Variants in DAAM1 observed in about 807,000 individuals in gnomAD.
The protein encoded by DAAM1 is dishevelled associated activator of morphogenesis 1, also known as disheveled-associated activator of morphogenesis 1.
In DAAM1, 52 loss-of-function variants were observed where a neutral mutation model predicts 130.0. That is an observed-to-expected ratio of 0.40 (90% CI 0.32 to 0.50). DAAM1 has a LOEUF of 0.50. DAAM1 is among the 20% of genes least tolerant of loss of function. The pLI is 0.61. For missense variants in DAAM1, 1,134 were observed against 1,303.8 expected, an observed-to-expected ratio of 0.87 and a Z score of 2.01; for synonymous variants, 452 against 444.5, an observed-to-expected ratio of 1.02 and a Z score of -0.21.
Position 59,255,288 on chromosome 14 carries a change from C to T in DAAM1, c.-37-8153C>T, listed in dbSNP as rs146333555. On this transcript the variant is annotated intron_variant, in intron 1 of 24. Coordinates refer to ENST00000360909, the MANE Select transcript of DAAM1 (RefSeq NM_001270520.2). ...TCCACTGAACACACTGACTGAGAAA[C>T]GCCCTTTCCGTTTCCTGATGGAGAG... Among the ~76,000 whole-genome samples the T allele has an allele frequency of 2.4e-3, 368 of 152,246 alleles. 1 individual carries two copies. The highest frequency in any genetic ancestry group is 8.3e-3 in the African/African-American group (343 of 41,538).
intron 21 of DAAM1, among the ~76,000 whole-genome samples, chr14:59,360,208 T>C (rs951461666): frequency 1.3e-5 from 2 of 152,218 alleles, no homozygotes; most frequent in Non-Finnish European, 2.9e-5. Context: ...CAATCTCTAA[T>C]GTTTAAAAGC....
rs1594766017 is a variant in DAAM1 at position 59,223,970 on chromosome 14, T to C, written c.-38+35202T>C. ...AGTCAGCATAATGTCATCAGTGTAATGGTCCAGTGTGATGTCTTGTGGAAG... is the reference window on the plus strand; with the variant it reads ...AGTCAGCATAATGTCATCAGTGTAACGGTCCAGTGTGATGTCTTGTGGAAG... On this transcript the variant is annotated intron_variant, in intron 1 of 24. Transcript: ENST00000360909. Among the ~76,000 whole-genome samples the C allele has an allele frequency of 1.3e-5, 2 of 152,326 alleles. 1 individual carries two copies. The highest frequency in any genetic ancestry group is 4.1e-4 in the South Asian group (2 of 4,824).
At chr14:59,324,300 T>C in intron 7 of DAAM1, 51 bp from the exon 8 acceptor site, 1 of 1,455,292 alleles carries the variant, frequency 6.9e-7, no homozygotes, top group South Asian at 1.7e-5. Flanking sequence ...AAGTGATTAT[T>C]ATGTAGTCTA....
chr14:59,305,980 T>C (rs1884366384), intron 3 of DAAM1, among the ~76,000 whole-genome samples: 1 of 152,186 alleles, frequency 6.6e-6, no homozygotes. Flanking sequence ...CCAGGGGAGT[T>C]CAGGAATGCT....
intron 1 of DAAM1, among the ~76,000 whole-genome samples, chr14:59,261,071 G>C (rs73295976): frequency 9.2e-5 from 14 of 152,124 alleles, no homozygotes; most frequent in Non-Finnish European, 1.6e-4. Flanking sequence ...ATGAGAGCCA[G>C]GGCTCTGCTC....
chr14:59,194,080 G>GT (rs1430111300), intron 1 of DAAM1, among the ~76,000 whole-genome samples: 1 of 152,228 alleles, frequency 6.6e-6, no homozygotes, highest in Non-Finnish European at 1.5e-5. Flanking sequence ...CACACAGCCT[G>GT]TAAGTGGCAG....
Position 59,324,463 on chromosome 14 carries a change from G to T in DAAM1, c.989+9G>T, listed in dbSNP as rs1885133146. The T allele has an allele frequency of 9.1e-6, 14 of 1,535,916 alleles. No individual in the cohort carries two copies. Among genetic ancestry groups the T allele is most frequent in the South Asian group, 1.3e-5 (1 of 76,832 alleles). On this transcript the variant is annotated intron_variant, in intron 8 of 24. Coordinates refer to ENST00000360909, the MANE Select transcript of DAAM1 (RefSeq NM_001270520.2). Reference sequence around the variant, plus strand: ...AATTCAACATTAGATAGGTAAGTCAGACTATTATGATGTGAGAAAGTTTCT... The same window carrying T: ...AATTCAACATTAGATAGGTAAGTCATACTATTATGATGTGAGAAAGTTTCT...
chr14:59,353,006 G>GA (rs1191234344), intron 18 of DAAM1, among the ~76,000 whole-genome samples: 1 of 141,182 alleles, frequency 7.1e-6, no homozygotes, highest in Non-Finnish European at 1.5e-5. Context: ...AAAAAAAAAA[G>GA]AAAAAAAAAT....
At chr14:59,219,207 C>T (rs1436798499) in intron 1 of DAAM1, among the ~76,000 whole-genome samples, 1 of 152,210 alleles carries the variant, frequency 6.6e-6, no homozygotes, top group Non-Finnish European at 1.5e-5. Context: ...GTTCTACAGC[C>T]AGTGTGTAAT....
chr14:59,189,820 T>A (rs777661924), intron 1 of DAAM1, among the ~76,000 whole-genome samples: 1 of 152,118 alleles, frequency 6.6e-6, no homozygotes, highest in African/African-American at 2.4e-5. Context: ...CCTGCTAAGG[T>A]CTCAAGTTGT....
chr14:59,230,514 C>T (rs1164795540), intron 1 of DAAM1, among the ~76,000 whole-genome samples: 1 of 152,042 alleles, frequency 6.6e-6, no homozygotes, highest in African/African-American at 2.4e-5. Context: ...CAAGTTCTCT[C>T]TTATTTGTGG....
chr14:59,212,458 A>G (rs1888454872), intron 1 of DAAM1, among the ~76,000 whole-genome samples: 1 of 152,230 alleles, frequency 6.6e-6, no homozygotes, highest in Admixed American at 6.5e-5. Context: ...TGTCCGAGTC[A>G]AGTTAGAACA....
chr14:59,334,331 C>T (rs185026165), intron 15 of DAAM1, among the ~76,000 whole-genome samples: 1 of 152,264 alleles, frequency 6.6e-6, no homozygotes, highest in East Asian at 1.9e-4. Flanking sequence ...TACTCAAGAC[C>T]TATGCATTTT....
chr14:59,215,058 A>G lies in DAAM1; in HGVS notation c.-38+26290A>G, dbSNP rs142540081. On this transcript the variant is annotated intron_variant, in intron 1 of 24. Coordinates refer to ENST00000360909, the MANE Select transcript of DAAM1 (RefSeq NM_001270520.2). ...ATGTTTCCTCTTGTCTTCATAGATGAGGGAGTCAGGGACCTGAATGATAAT... is the reference window on the plus strand; with the variant it reads ...ATGTTTCCTCTTGTCTTCATAGATGGGGGAGTCAGGGACCTGAATGATAAT... 2.0e-4 allele frequency among the ~76,000 whole-genome samples: 31 copies of G among 152,324 alleles called. 1 individual carries two copies. In the East Asian group the frequency reaches 3.3e-3, roughly 16 times the overall value.
At chr14:59,290,272 G>A (rs1302063641) in intron 2 of DAAM1, among the ~76,000 whole-genome samples, 1 of 152,112 alleles carries the variant, frequency 6.6e-6, no homozygotes, top group East Asian at 1.9e-4. Flanking sequence ...TTAGGGTTCA[G>A]TCTAAGCAGT....
chr14:59,309,337 T>A (rs1348234848), intron 3 of DAAM1, among the ~76,000 whole-genome samples: 2 of 152,220 alleles, frequency 1.3e-5, no homozygotes, highest in Non-Finnish European at 2.9e-5. Flanking sequence ...GCATGGTAGG[T>A]CACTGCTTCT....
chr14:59,272,136 T>A (rs1457207726), intron 2 of DAAM1, among the ~76,000 whole-genome samples: 2 of 152,216 alleles, frequency 1.3e-5, no homozygotes, highest in Non-Finnish European at 2.9e-5. Flanking sequence ...AAATTCAGAA[T>A]CTAATGAGGG....
intron 1 of DAAM1, among the ~76,000 whole-genome samples, chr14:59,200,834 G>T (rs1439193303): frequency 6.6e-6 from 1 of 152,138 alleles, no homozygotes; most frequent in African/African-American, 2.4e-5. Flanking sequence ...CTCAGTAGAT[G>T]TGGAGTTGGG....
intron 1 of DAAM1, among the ~76,000 whole-genome samples, chr14:59,240,471 T>C (rs1157216562): frequency 5.3e-5 from 8 of 152,130 alleles, no homozygotes; most frequent in Non-Finnish European, 1.2e-4. Context: ...AAAAAGTTCA[T>C]TGAATCACTC....
Sources: gnomAD v4.1 joint callset for allele counts (sites outside exome capture counted in the v4.1 genomes callset) on GRCh38, gnomAD v4.1.1 for gene constraint, MANE v1.5 for transcripts, NCBI Gene and HGNC (gene_info 2026-07-23, HGNC 2026-07-21) for gene names.